Variants in VPS54 observed in about 807,000 individuals in gnomAD.
The protein encoded by VPS54 is vacuolar protein sorting-associated protein 54.
A neutral mutation model predicts 121.5 loss-of-function variants in VPS54; 45 were observed. The observed-to-expected ratio is 0.37, with a 90% CI of 0.29 to 0.47. The LOEUF is 0.47. Ranked by LOEUF, VPS54 falls within the 20% of genes least tolerant of loss-of-function variation. The probability of loss-of-function intolerance (pLI) is 0.99; values close to 1 mark genes in which losing one functional copy is unlikely to be tolerated. For missense variants in VPS54, 1,090 were observed against 1,131.4 expected, an observed-to-expected ratio of 0.96 and a Z score of 0.52; for synonymous variants, 371 against 385.8, an observed-to-expected ratio of 0.96 and a Z score of 0.45.
intron 22 of VPS54, among the ~76,000 whole-genome samples, chr2:63,894,281 A>G (rs150662678): frequency 6.6e-6 from 1 of 152,356 alleles, no homozygotes; most frequent in Non-Finnish European, 1.5e-5. Context: ...ATTCACTTAT[A>G]GGTATATGCC....
rs552431588 is a variant in VPS54, at chr2:63,928,979, T to A, written c.1739+4694A>T. Among the ~76,000 whole-genome samples the A allele has an allele frequency of 7.2e-5, 11 of 152,068 alleles. No individual in the cohort carries two copies. In the South Asian group the frequency reaches 2.1e-3, roughly 29 times the overall value. On this transcript the variant is annotated intron_variant, in intron 12 of 22. Transcript: ENST00000272322. Reference sequence around the variant, plus strand: ...AACAAGAAGAACTAACTATCCTAAATATATATACAACCAATACAGGAGCAC... The same window carrying A: ...AACAAGAAGAACTAACTATCCTAAAAATATATACAACCAATACAGGAGCAC...
At chr2:63,948,414 GTTT>G (rs560700373) in intron 8 of VPS54, among the ~76,000 whole-genome samples, 15 of 106,078 alleles carry the variant, frequency 1.4e-4, no homozygotes, top group Admixed American at 3.1e-4. Flanking sequence ...CACTTTTTCG[GTTT>G]TTTTTTTTTT....
chr2:63,925,724 G>T (rs1461914855), intron 12 of VPS54, among the ~76,000 whole-genome samples: 1 of 152,156 alleles, frequency 6.6e-6, no homozygotes, highest in Non-Finnish European at 1.5e-5. Context: ...CTGAACGAAA[G>T]AAATCAGAGA....
At position 63,944,622 on chromosome 2, in the gene VPS54, T is replaced by C. The variant is rs757135554; in HGVS notation, c.1279A>G (p.Ile427Val). 7 of 1,610,584 alleles carry C rather than the reference T, an allele frequency of 4.3e-6. No homozygotes were observed. Among genetic ancestry groups the C allele is most frequent in the African/African-American group, 4.0e-5 (3 of 74,922 alleles). ...VINKVSQTEE[I>V]DTDVVVKLAD... is the part of the protein sequence containing the mutation. ...TACTTCACAACAACATCTGTGTCTA[T>C]TTCTTCTGTTTGTGAAACTTTATTA... Residue 427 changes from isoleucine (I) to valine (V), a missense_variant, in exon 10 of 23, where the codon ATA (isoleucine) becomes GTA (valine). Physicochemically the swap from Ile to Val is conservative, Grantham distance 29. Around this residue, in one of 2 missense-constraint regions of VPS54, gnomAD observed 801 missense variants for 757.0 expected, o/e 1.06. Transcript: ENST00000272322.
chr2:64,005,086 C>CT (rs1559053926), intron 1 of VPS54, among the ~76,000 whole-genome samples: 3 of 76,600 alleles, frequency 3.9e-5, no homozygotes, highest in African/African-American at 1.7e-4. Context: ...TCTACTATTG[C>CT]TTCTTTTTTT....
chr2:63,899,627 G>A, intron 20 of VPS54, 46 bp from the exon 21 acceptor site: 2 of 1,489,630 alleles, frequency 1.3e-6, no homozygotes, highest in Non-Finnish European at 1.9e-6. Flanking sequence ...CCTCTGAATT[G>A]CATAATGTCT....
intron 20 of VPS54, among the ~76,000 whole-genome samples, chr2:63,909,361 T>C (rs1558983607): frequency 6.6e-6 from 1 of 151,378 alleles, no homozygotes; most frequent in Non-Finnish European, 1.5e-5. Context: ...GTTAGTACAA[T>C]TAGATATTGT....
chr2:63,992,687 A>T (rs1374193101), intron 1 of VPS54, among the ~76,000 whole-genome samples: 1 of 152,252 alleles, frequency 6.6e-6, no homozygotes, highest in Admixed American at 6.5e-5. Context: ...TAAAAAAGAA[A>T]TCAGGCAAGT....
intron 10 of VPS54, among the ~76,000 whole-genome samples, chr2:63,944,182 G>A (rs1438788358): frequency 6.6e-6 from 1 of 152,048 alleles, no homozygotes; most frequent in Non-Finnish European, 1.5e-5. Context: ...CCCCTGTAAT[G>A]AATTATCTCC....
At chr2:63,990,037 T>C (rs1029368390) in intron 1 of VPS54, among the ~76,000 whole-genome samples, 11 of 152,234 alleles carry the variant, frequency 7.2e-5, no homozygotes, top group African/African-American at 2.7e-4. Flanking sequence ...TGTGTTCCTG[T>C]CACTTTTTGG....
intron 1 of VPS54, among the ~76,000 whole-genome samples, chr2:63,998,136 G>A (rs1677690089): frequency 6.6e-6 from 1 of 152,130 alleles, no homozygotes; most frequent in African/African-American, 2.4e-5. Flanking sequence ...ATAGTTAGGT[G>A]CATATATATT....
chr2:63,907,971 G>A (rs2422081), intron 20 of VPS54, among the ~76,000 whole-genome samples: 2,520 of 152,126 alleles, frequency 0.017, 73 homozygotes, highest in African/African-American at 0.057. Context: ...AAAATGATGC[G>A]TTTTAGAAAA....
intron 2 of VPS54, among the ~76,000 whole-genome samples, chr2:63,983,444 A>ATTTTTTT (rs58336872): frequency 8.3e-6 from 1 of 120,138 alleles, no homozygotes; most frequent in Admixed American, 8.5e-5. Flanking sequence ...GCCCCAAATG[A>ATTTTTTT]TTTTTTTTTT....
intron 3 of VPS54, among the ~76,000 whole-genome samples, chr2:63,981,211 A>T (rs1676784948): frequency 6.6e-6 from 1 of 152,138 alleles, no homozygotes; most frequent in African/African-American, 2.4e-5. Flanking sequence ...GACAGGGTTT[A>T]AAGTAATATA....
chr2:63,957,757 A>T (rs190758963), intron 7 of VPS54, among the ~76,000 whole-genome samples: 3 of 152,302 alleles, frequency 2.0e-5, no homozygotes, highest in Non-Finnish European at 2.9e-5. Flanking sequence ...GGAAGATGCT[A>T]CCACTTTAAT....
chr2:63,934,696 A>G (rs1426303942), intron 11 of VPS54, among the ~76,000 whole-genome samples: 2 of 152,082 alleles, frequency 1.3e-5, no homozygotes, highest in Admixed American at 1.3e-4. Flanking sequence ...AAAAAAACCC[A>G]TTTATCATTA....
At chr2:63,895,598 C>G (rs1672413807) in intron 22 of VPS54, among the ~76,000 whole-genome samples, 1 of 152,170 alleles carries the variant, frequency 6.6e-6, no homozygotes, top group Non-Finnish European at 1.5e-5. Flanking sequence ...ACACTAAGTG[C>G]CACTGAATTG....
chr2:63,913,243 G>A lies in VPS54; in HGVS notation c.2402C>T (p.Thr801Met), dbSNP rs756404840. Residue 801 changes from threonine to methionine, a missense_variant, in exon 18 of 23, where the codon ACG (threonine) becomes ATG (methionine). Transcript: ENST00000272322. ...AGALQVVGLK[T>M]ITTKNLALSS... is the part of the protein sequence containing the mutation. Reference sequence around the variant, plus strand: ...CATACCCAAATTTTTTGTAGTTATCGTTTTTAGTCCAACAACTTGCAGTGC... The same window carrying A: ...CATACCCAAATTTTTTGTAGTTATCATTTTTAGTCCAACAACTTGCAGTGC... 1.9e-6 allele frequency: 3 copies of A among 1,609,174 alleles called. No individual in the cohort carries two copies. The highest frequency in any genetic ancestry group is 1.3e-5 in the African/African-American group (1 of 74,698).
chr2:63,965,813 GAA>G lies in VPS54; in HGVS notation c.624+20_624+21del. 6.2e-7 allele frequency: 1 copy of G among 1,608,384 alleles called. No individual in the cohort carries two copies. The highest frequency in any genetic ancestry group is 8.5e-7 in the Non-Finnish European group (1 of 1,178,672). On this transcript the variant is annotated intron_variant, in intron 6 of 22. Transcript: ENST00000272322. ...CTTAACTAGAATAGTTTCCTACATG[GAA>G]AAAGTCAAAAAGAAATTACCTTTTC...
Sources: allele counts gnomAD v4.1 joint callset (sites outside exome capture counted in the v4.1 genomes callset), GRCh38; gene constraint gnomAD v4.1.1; regional missense constraint gnomAD v4.1.1; transcripts MANE v1.5; gene names NCBI Gene and HGNC (gene_info 2026-07-23, HGNC 2026-07-21).